The following FOXP1 variants were observed in gnomAD, a reference collection of about 807,000 sequenced individuals.
The protein encoded by FOXP1 is forkhead box P1, also known as forkhead box protein P1.
A neutral mutation model predicts 98.2 loss-of-function variants in FOXP1; 15 were observed. The observed-to-expected ratio is 0.15, with a 90% CI of 0.10 to 0.24. FOXP1 has a LOEUF of 0.24. FOXP1 is among the 10% of genes least tolerant of loss of function. The probability of loss-of-function intolerance (pLI) is 1.00; values close to 1 mark genes in which losing one functional copy is unlikely to be tolerated. For missense variants in FOXP1, 633 were observed against 848.5 expected (o/e 0.75, Z 3.15); for synonymous variants, 371 against 314.5 (o/e 1.18, Z -1.90).
intron 3 of FOXP1, among the ~76,000 whole-genome samples, chr3:71,365,452 A>AAACAACC (rs1025366154): frequency 2.4e-5 from 3 of 125,556 alleles, no homozygotes; most frequent in African/African-American, 9.6e-5. Context: ...TGCAACAACC[A>AAACAACC]AAAAAAAAAA....
chr3:71,541,639 C>T (rs1011787376), intron 2 of FOXP1, among the ~76,000 whole-genome samples: 3 of 151,980 alleles, frequency 2.0e-5, no homozygotes, highest in Non-Finnish European at 4.4e-5. Context: ...TCAAGAGAAT[C>T]CGAGATGCTG....
intron 7 of FOXP1, among the ~76,000 whole-genome samples, chr3:71,107,883 A>G (rs529068785): frequency 3.5e-4 from 54 of 152,312 alleles, no homozygotes; most frequent in African/African-American, 1.2e-3. Flanking sequence ...CTAAAAAAAC[A>G]CCTGCTGAAT....
At chr3:71,416,238 C>A (rs1415938459) in intron 3 of FOXP1, among the ~76,000 whole-genome samples, 1 of 151,938 alleles carries the variant, frequency 6.6e-6, no homozygotes, top group East Asian at 1.9e-4. Context: ...ATAAGGGAGG[C>A]ATTAGGATGG....
chr3:70,991,435 G>T (rs1370498834), intron 13 of FOXP1, among the ~76,000 whole-genome samples: 1 of 152,166 alleles, frequency 6.6e-6, no homozygotes, highest in Non-Finnish European at 1.5e-5. Context: ...CAAAGGCTAG[G>T]AGTTCCATTC....
chr3:71,432,346 A>T (rs1392097671), intron 3 of FOXP1, among the ~76,000 whole-genome samples: 1 of 152,064 alleles, frequency 6.6e-6, no homozygotes, highest in East Asian at 1.9e-4. Context: ...GGCCCTGCAC[A>T]GAGCATTTTC....
chr3:71,473,589 A>C (rs1258257485), intron 3 of FOXP1, among the ~76,000 whole-genome samples: 1 of 152,192 alleles, frequency 6.6e-6, no homozygotes, highest in Admixed American at 6.5e-5. Flanking sequence ...AGAGTCATAG[A>C]TACAACTGAT....
intron 3 of FOXP1, among the ~76,000 whole-genome samples, chr3:71,435,273 AAGAAGGGAGGGAGGG>A (rs1560482769): frequency 3.5e-4 from 2 of 5,732 alleles, no homozygotes; most frequent in Admixed American, 1.5e-3. Flanking sequence ...GGAGGGAGGG[AAGAAGGGAGGGAGGG>A]AGGGACGGAG....
At chr3:71,197,063 T>G (rs138333551) in intron 6 of FOXP1, among the ~76,000 whole-genome samples, 1 of 152,146 alleles carries the variant, frequency 6.6e-6, no homozygotes, top group African/African-American at 2.4e-5. Flanking sequence ...AAGGAGAAAA[T>G]AAAACATGCT....
intron 6 of FOXP1, among the ~76,000 whole-genome samples, chr3:71,153,437 C>T (rs1175429990): frequency 6.6e-6 from 1 of 151,718 alleles, no homozygotes; most frequent in Non-Finnish European, 1.5e-5. Context: ...GCACCAAGCA[C>T]ATTTCAACTT....
intron 7 of FOXP1, among the ~76,000 whole-genome samples, chr3:71,054,636 C>G (rs964621619): frequency 2.6e-5 from 4 of 152,162 alleles, no homozygotes; most frequent in African/African-American, 9.7e-5. Context: ...TGTAATTTAG[C>G]TATTCAAAAT....
chr3:70,982,428 T>C (rs773318111), intron 14 of FOXP1, among the ~76,000 whole-genome samples: 43 of 152,188 alleles, frequency 2.8e-4, no homozygotes, highest in Non-Finnish European at 5.4e-4. Flanking sequence ...ATTTTTCTTA[T>C]TGTGTTCCTT....
chr3:71,568,552 T>C (rs1214186931), intron 2 of FOXP1, among the ~76,000 whole-genome samples: 1 of 152,166 alleles, frequency 6.6e-6, no homozygotes, highest in Non-Finnish European at 1.5e-5. Context: ...CTTGAAATAC[T>C]TACTACTTTT....
chr3:71,237,147 AC>A (rs767885739), intron 5 of FOXP1, among the ~76,000 whole-genome samples: 7 of 140,378 alleles, frequency 5.0e-5, no homozygotes, highest in Admixed American at 7.4e-5. Context: ...CAGGAGAATC[AC>A]TTGATCCTGG....
At chr3:71,261,595 A>G (rs764373984) in intron 5 of FOXP1, among the ~76,000 whole-genome samples, 1 of 152,194 alleles carries the variant, frequency 6.6e-6, no homozygotes, top group Non-Finnish European at 1.5e-5. Flanking sequence ...AAAAGAACAC[A>G]GAATACTGAG....
At position 71,413,290 on chromosome 3, in the gene FOXP1, A is replaced by C. The variant is rs73119151; in HGVS notation, c.-167-54046T>G. ...CACACACACACACACACACACACACACCCAAAACAGCCAACCAGTATGGAA... is the reference window on the plus strand; with the variant it reads ...CACACACACACACACACACACACACCCCCAAAACAGCCAACCAGTATGGAA... On this transcript the variant is annotated intron_variant, in intron 3 of 20. Transcript: ENST00000649528. 1.7e-3 allele frequency among the ~76,000 whole-genome samples: 229 copies of C among 138,550 alleles called. 2 individuals are homozygous for C. The highest frequency in any genetic ancestry group is 4.2e-3 in the South Asian group (17 of 4,080). 90.9% of individuals were successfully genotyped at this position (138,550 alleles called of 152,430 possible). A position where few individuals can be genotyped will look rare whatever the true frequency, so the allele number is the denominator to read the frequency against.
At chr3:71,510,125 G>C (rs2042096969) in intron 2 of FOXP1, among the ~76,000 whole-genome samples, 1 of 151,898 alleles carries the variant, frequency 6.6e-6, no homozygotes, top group Non-Finnish European at 1.5e-5. Flanking sequence ...AGGTTGTAGT[G>C]AGCCGAGATT....
At chr3:71,167,075 A>G (rs1271758411) in intron 6 of FOXP1, among the ~76,000 whole-genome samples, 2 of 152,026 alleles carry the variant, frequency 1.3e-5, no homozygotes, top group Non-Finnish European at 2.9e-5. Context: ...AGGATACGAG[A>G]TCACAGTGTT....
intron 7 of FOXP1, among the ~76,000 whole-genome samples, chr3:71,111,674 C>T (rs141398979): frequency 6.6e-6 from 1 of 152,180 alleles, no homozygotes; most frequent in Non-Finnish European, 1.5e-5. Context: ...GCTGGGATTA[C>T]AGGCGTGAGC....
intron 7 of FOXP1, among the ~76,000 whole-genome samples, chr3:71,060,601 CAGGTT>C (rs1424946288): frequency 6.6e-6 from 1 of 152,102 alleles, no homozygotes; most frequent in Non-Finnish European, 1.5e-5. Context: ...ACAACTGTAA[CAGGTT>C]AGATGAAAAA....
Sources: allele counts gnomAD v4.1 joint callset (sites outside exome capture counted in the v4.1 genomes callset), GRCh38; gene constraint gnomAD v4.1.1; transcripts MANE v1.5; gene names NCBI Gene and HGNC (gene_info 2026-07-23, HGNC 2026-07-21).